Variants in FSCN1 observed in about 807,000 individuals in gnomAD.
The protein encoded by FSCN1 is fascin.
In FSCN1, 10 loss-of-function variants were observed where a neutral mutation model predicts 39.7. That is an observed-to-expected ratio of 0.25 (90% confidence interval 0.16 to 0.43). The LOEUF is 0.43. Ranked by LOEUF, FSCN1 falls within the 20% of genes least tolerant of loss-of-function variation. The pLI is 1.00. For synonymous variants in FSCN1, 322 were observed against 320.0 expected (o/e 1.01, Z -0.07); for missense variants, 525 against 723.8 (o/e 0.73, Z 3.15).
At chr7:5,598,942 G>T (rs557083703) in intron 1 of FSCN1, among the ~76,000 whole-genome samples, 2 of 152,252 alleles carry the variant, frequency 1.3e-5, no homozygotes, top group African/African-American at 2.4e-5. Flanking sequence ...ATGAGGGGGC[G>T]GTGAGGGCAG....
At chr7:5,602,610 C>T (rs1351902650) in intron 1 of FSCN1, among the ~76,000 whole-genome samples, 1 of 152,214 alleles carries the variant, frequency 6.6e-6, no homozygotes, top group Admixed American at 6.5e-5. Context: ...ACGTGATCAA[C>T]AGTAATCAAT....
At position 5,605,194 on chromosome 7, in the gene FSCN1, C is replaced by G. The variant is rs898876374; in HGVS notation, c.1280-78C>G. ...GGTGGGGCGTCACCCTTGGGAACAC[C>G]CGTGCCCACCCTCCGCTGCCCAGGG... On this transcript the variant is annotated intron_variant, in intron 4 of 4. Coordinates refer to ENST00000382361, the MANE Select transcript of FSCN1 (RefSeq NM_003088.4). The surrounding 1 kb of genome is among the most constrained non-coding windows in gnomAD (Gnocchi z 6.9). 2.7e-6 allele frequency: 3 copies of G among 1,105,852 alleles called. No homozygotes were observed. Among genetic ancestry groups the G allele is most frequent in the African/African-American group, 3.1e-5 (2 of 65,246 alleles). The allele number at this position is 1,105,852 out of a possible 1,614,324, so 68.5% of individuals were successfully genotyped here. A position where few individuals can be genotyped will look rare whatever the true frequency, so the allele number is the denominator to read the frequency against.
intron 4 of FSCN1, 36 bp downstream of exon 4, chr7:5,604,066 C>T: frequency 6.2e-7 from 1 of 1,601,880 alleles, no homozygotes; most frequent in Non-Finnish European, 8.5e-7. Context: ...GGGCAGGGAA[C>T]CCCTCGGTCG....
Position 5,605,057 on chromosome 7 carries a change from G to A in FSCN1, c.1280-215G>A, listed in dbSNP as rs550715409. The stretch of plus-strand genomic sequence containing the variant: ...CAAAGTGCTGGGATTACAGGCGTGA[G>A]CCACTGCGGCCGAGCAGAACACGTT... On this transcript the variant is annotated intron_variant, in intron 4 of 4. Transcript: ENST00000382361. This position sits in a 1 kb window ranked among gnomAD's most constrained non-coding sequence, Gnocchi z 6.9. Among the ~76,000 whole-genome samples, 40 of 152,360 alleles carry A rather than the reference G, an allele frequency of 2.6e-4. No individual in the cohort carries two copies. The highest frequency in any genetic ancestry group is 9.1e-4 in the African/African-American group (38 of 41,586).
chr7:5,595,081 C>T (rs1318854698), intron 1 of FSCN1, among the ~76,000 whole-genome samples: 2 of 152,124 alleles, frequency 1.3e-5, no homozygotes, highest in Non-Finnish European at 2.9e-5. Context: ...GATAGGAAGT[C>T]GGACCCCAGG....
chr7:5,594,327 C>T (rs1785690341), intron 1 of FSCN1, among the ~76,000 whole-genome samples: 1 of 152,006 alleles, frequency 6.6e-6, no homozygotes, highest in African/African-American at 2.4e-5. Flanking sequence ...TCCTCCACCT[C>T]CTCCCGCTGC....
intron 1 of FSCN1, among the ~76,000 whole-genome samples, chr7:5,597,896 G>T (rs995226192): frequency 1.3e-5 from 2 of 152,046 alleles, no homozygotes; most frequent in Non-Finnish European, 1.5e-5. Context: ...CCTGGCTCCC[G>T]GGGGCTTCTG....
intron 1 of FSCN1, among the ~76,000 whole-genome samples, chr7:5,595,232 G>A (rs182445269): frequency 3.5e-4 from 53 of 152,328 alleles, no homozygotes; most frequent in African/African-American, 1.3e-3. Flanking sequence ...GAGGGTGGAG[G>A]CCTGGGTGGG....
chr7:5,593,510 G>T lies in FSCN1; in HGVS notation c.574G>T (p.Asp192Tyr). ...QDQRYSVQTA[D>Y]HRFLRHDGRL... ...CCAGCGCTACAGCGTGCAGACCGCC[G>T]ACCACCGCTTCCTGCGCCACGACGG... Residue 192 changes from aspartate to tyrosine, a missense_variant, in exon 1 of 5, where the codon GAC becomes TAC. Coordinates refer to ENST00000382361, the MANE Select transcript of FSCN1 (RefSeq NM_003088.4). 6.2e-7 allele frequency: 1 copy of T among 1,606,444 alleles called. No individual in the cohort carries two copies. The highest frequency in any genetic ancestry group is 8.5e-7 in the Non-Finnish European group (1 of 1,178,432).
intron 1 of FSCN1, chr7:5,593,986 G>T (rs1785681020): frequency 1.3e-5 from 7 of 554,850 alleles, no homozygotes; most frequent in Non-Finnish European, 2.2e-5. Flanking sequence ...CCCACCCCGG[G>T]CTGGGATCAT....
In FSCN1 at chr7:5,603,742, G is replaced by T. The variant is rs1224130607; in HGVS notation, c.1112-121G>T. The T allele has an allele frequency of 9.3e-6, 14 of 1,503,064 alleles. No individual in the cohort carries two copies. The African/African-American group carries it at 1.3e-4, about 14-fold the overall frequency. 93.1% of individuals were successfully genotyped at this position (1,503,064 alleles called of 1,614,324 possible). On this transcript the variant is annotated intron_variant, in intron 3 of 4. Transcript: ENST00000382361. The surrounding 1 kb of genome is among the most constrained non-coding windows in gnomAD (Gnocchi z 8.5). ...CTGGGCATCCCCCCGGACTGGCCCC[G>T]CACTGTCCTACCCTGGGGACTGCTG...
At chr7:5,598,972 C>CT (rs1232049947) in intron 1 of FSCN1, among the ~76,000 whole-genome samples, 2 of 152,200 alleles carry the variant, frequency 1.3e-5, no homozygotes, top group African/African-American at 4.8e-5. Flanking sequence ...TGTGGCTGGC[C>CT]TGACGGCTCC....
chr7:5,603,089 T>A lies in FSCN1; in HGVS notation c.833-168T>A. The A allele has an allele frequency of 1.4e-6, 1 of 699,204 alleles. No homozygotes were observed. The highest frequency in any genetic ancestry group is 2.4e-6 in the Non-Finnish European group (1 of 411,918). 43.3% of individuals were successfully genotyped at this position (699,204 alleles called of 1,614,324 possible). On this transcript the variant is annotated intron_variant, in intron 1 of 4. Coordinates refer to ENST00000382361, the MANE Select transcript of FSCN1 (RefSeq NM_003088.4). The surrounding 1 kb of genome is among the most constrained non-coding windows in gnomAD (Gnocchi z 8.5). ...GGCCTCTGACCGGCCCTGCCTGCGT[T>A]CCTGGGTGCTCTCTGCTGCTTCTCA...
chr7:5,597,870 A>C (rs771875061), intron 1 of FSCN1, among the ~76,000 whole-genome samples: 1 of 152,076 alleles, frequency 6.6e-6, no homozygotes, highest in Non-Finnish European at 1.5e-5. Context: ...GGCCCGGCAC[A>C]GGAGACTCTT....
Position 5,605,201 on chromosome 7 carries a change from C to T in FSCN1, c.1280-71C>T. ...CGTCACCCTTGGGAACACCCGTGCC[C>T]ACCCTCCGCTGCCCAGGGTAGGGGT... On this transcript the variant is annotated intron_variant, in intron 4 of 4. Coordinates refer to ENST00000382361, the MANE Select transcript of FSCN1 (RefSeq NM_003088.4). This position sits in a 1 kb window ranked among gnomAD's most constrained non-coding sequence, Gnocchi z 6.9. The T allele has an allele frequency of 8.2e-7, 1 of 1,214,750 alleles. No individual in the cohort carries two copies. The highest frequency in any genetic ancestry group is 1.2e-6 in the Non-Finnish European group (1 of 830,776). 75.2% of individuals were successfully genotyped at this position (1,214,750 alleles called of 1,614,324 possible). A position where few individuals can be genotyped will look rare whatever the true frequency, so the allele number is the denominator to read the frequency against.
In FSCN1 at chr7:5,605,358, T is replaced by C. The variant is rs1785914904; in HGVS notation, c.1366T>C (p.Cys456Arg). Reference sequence around the variant, plus strand: ...TCCTGTGGACTTCTTCTTCGAGTTCTGCGACTATAACAAGGTGGCCATCAA... The same window carrying C: ...TCCTGTGGACTTCTTCTTCGAGTTCCGCGACTATAACAAGGTGGCCATCAA... The part of the protein sequence containing the change: ...DTPVDFFFEF[C>R]DYNKVAIKVG... The change falls in exon 5 of 5, where the codon TGC becomes CGC. Residue 456 changes from cysteine (C) to arginine (R), a missense_variant. Cys to Arg is a radical substitution (Grantham distance 180). Coordinates refer to ENST00000382361, the MANE Select transcript of FSCN1 (RefSeq NM_003088.4). This position sits in a 1 kb window ranked among gnomAD's most constrained non-coding sequence, Gnocchi z 6.9. 1.2e-6 allele frequency: 2 copies of C among 1,613,796 alleles called. No homozygotes were observed. The highest frequency in any genetic ancestry group is 1.7e-6 in the Non-Finnish European group (2 of 1,179,852).
At chr7:5,596,243 G>A (rs930049508) in intron 1 of FSCN1, among the ~76,000 whole-genome samples, 6 of 152,088 alleles carry the variant, frequency 3.9e-5, no homozygotes, top group Non-Finnish European at 2.9e-5. Context: ...GCTGGGGAAC[G>A]CCAGCCAGGA....
chr7:5,596,529 C>G (rs1298740381), intron 1 of FSCN1, among the ~76,000 whole-genome samples: 3 of 152,182 alleles, frequency 2.0e-5, no homozygotes, highest in Non-Finnish European at 4.4e-5. Flanking sequence ...CCTCCCTGCT[C>G]CCCAGGATCC....
Position 5,603,443 on chromosome 7 carries a change from C to T in FSCN1, c.989+30C>T. The T allele has an allele frequency of 6.2e-7, 1 of 1,613,858 alleles. No individual in the cohort carries two copies. Among genetic ancestry groups the T allele is most frequent in the African/African-American group, 1.3e-5 (1 of 75,056 alleles). The stretch of plus-strand genomic sequence containing the variant: ...GTGCCTCGCTCCCACCTGTCACCGC[C>T]CCCACCACCTTGCCTGGGCTACCCC... On this transcript the variant is annotated intron_variant, in intron 2 of 4. Coordinates refer to ENST00000382361, the MANE Select transcript of FSCN1 (RefSeq NM_003088.4). The surrounding 1 kb of genome is among the most constrained non-coding windows in gnomAD (Gnocchi z 8.5).
Sources: allele counts gnomAD v4.1 joint callset (sites outside exome capture counted in the v4.1 genomes callset), GRCh38; gene constraint gnomAD v4.1.1; non-coding constraint Gnocchi (gnomAD v3.1); transcripts MANE v1.5; gene names NCBI Gene and HGNC (gene_info 2026-07-23, HGNC 2026-07-21).